The following HIF1A variants were observed in gnomAD, a reference collection of about 807,000 sequenced individuals.
HIF1A encodes the protein hypoxia-inducible factor 1-alpha.
A neutral mutation model predicts 92.7 loss-of-function variants in HIF1A; 24 were observed. The observed-to-expected ratio is 0.26, with a 90% CI of 0.19 to 0.36. HIF1A has a LOEUF of 0.36. Ranked by LOEUF, HIF1A falls within the 10% of genes least tolerant of loss-of-function variation. The pLI, the probability that HIF1A is intolerant of heterozygous loss-of-function variation, is 1.00. For missense variants in HIF1A, 799 were observed against 998.5 expected, an observed-to-expected ratio of 0.80 and a Z score of 2.69; for synonymous variants, 319 against 338.7, an observed-to-expected ratio of 0.94 and a Z score of 0.64.
At position 61,736,868 on chromosome 14, in the gene HIF1A, C is replaced by T. The variant is rs775037133; in HGVS notation, c.1029-21C>T. On this transcript the variant is annotated intron_variant, in intron 8 of 14. Coordinates refer to ENST00000337138, the MANE Select transcript of HIF1A (RefSeq NM_001530.4). ...TATCAAGTGCTCATTTGTGAATTAC[C>T]AATTTCTCTTGTTTTGACAGTGGTA... is the stretch of plus-strand genomic sequence containing the variant. The T allele has an allele frequency of 1.9e-6, 3 of 1,548,028 alleles. No individual in the cohort carries two copies. In the Admixed American group the frequency reaches 5.0e-5, roughly 26 times the overall value.
intron 1 of HIF1A, among the ~76,000 whole-genome samples, chr14:61,705,596 T>G (rs1296272769): frequency 6.6e-6 from 1 of 152,174 alleles, no homozygotes; most frequent in African/African-American, 2.4e-5. Context: ...ATTTAAAAAT[T>G]ATATATTGAG....
At chr14:61,706,409 C>T (rs1410253416) in intron 1 of HIF1A, among the ~76,000 whole-genome samples, 1 of 152,178 alleles carries the variant, frequency 6.6e-6, no homozygotes, top group Non-Finnish European at 1.5e-5. Context: ...TTTTACTAAA[C>T]GCACACTTGT....
intron 6 of HIF1A, among the ~76,000 whole-genome samples, chr14:61,728,046 G>T (rs1244844790): frequency 1.3e-5 from 2 of 151,450 alleles, no homozygotes; most frequent in East Asian, 1.9e-4. Context: ...ATTACTCAAT[G>T]TTAAACTATA....
chr14:61,705,079 CT>C (rs1016723389), intron 1 of HIF1A, among the ~76,000 whole-genome samples: 1 of 152,058 alleles, frequency 6.6e-6, no homozygotes, highest in Non-Finnish European at 1.5e-5. Context: ...TACTTATTTT[CT>C]TTTTTATTCC....
Position 61,695,672 on chromosome 14 carries a change from G to A in HIF1A, c.-133G>A. The A allele has an allele frequency of 2.2e-6, 2 of 926,352 alleles. No individual in the cohort carries two copies. The highest frequency in any genetic ancestry group is 3.2e-6 in the Non-Finnish European group (2 of 618,032). 57.4% of individuals were successfully genotyped at this position (926,352 alleles called of 1,614,324 possible). The stretch of plus-strand genomic sequence containing the variant: ...CCCGCTTCTCTCTAGTCTCACGAGG[G>A]GTTTCCCGCCTCGCACCCCCACCTC... On this transcript the variant is annotated 5_prime_UTR_variant, in exon 1 of 15. Coordinates refer to ENST00000337138, the MANE Select transcript of HIF1A (RefSeq NM_001530.4).
chr14:61,709,666 A>T (rs1467701420), intron 1 of HIF1A, among the ~76,000 whole-genome samples: 6 of 152,188 alleles, frequency 3.9e-5, no homozygotes, highest in Admixed American at 3.3e-4. Context: ...AAATAAGTGT[A>T]TGCATTCTGA....
intron 14 of HIF1A, among the ~76,000 whole-genome samples, chr14:61,746,428 G>A (rs1321001834): frequency 1.6e-5 from 2 of 121,720 alleles, no homozygotes; most frequent in African/African-American, 7.3e-5. Flanking sequence ...ACAGGGTCTC[G>A]CTCTGTTGCC....
chr14:61,745,518 G>A lies in HIF1A; in HGVS notation c.2203-173G>A, dbSNP rs945806069. 4.0e-5 allele frequency: 26 copies of A among 642,106 alleles called. No homozygotes were observed. In the African/African-American group the frequency reaches 4.4e-4, roughly 11 times the overall value. The allele number at this position is 642,106 out of a possible 1,614,324, so 39.8% of individuals were successfully genotyped here. ...CTAAATTAACTGGAAAGTATTTATAGACAGAATGGTCATAATGGATGACAA... is the reference window on the plus strand; with the variant it reads ...CTAAATTAACTGGAAAGTATTTATAAACAGAATGGTCATAATGGATGACAA... On this transcript the variant is annotated intron_variant, in intron 13 of 14. Transcript: ENST00000337138.
At chr14:61,731,879 G>A (rs1175731722) in intron 6 of HIF1A, among the ~76,000 whole-genome samples, 2 of 152,234 alleles carry the variant, frequency 1.3e-5, no homozygotes, top group Admixed American at 1.3e-4. Flanking sequence ...GCTCATGCCT[G>A]TAATCCCAGT....
chr14:61,732,240 T>G (rs535272175), intron 6 of HIF1A, among the ~76,000 whole-genome samples, 178 bp from the exon 7 acceptor site: 18 of 152,338 alleles, frequency 1.2e-4, no homozygotes, highest in African/African-American at 4.1e-4. Flanking sequence ...GTGTTGGATT[T>G]AATAACTGTA....
Position 61,720,498 on chromosome 14 carries a change from G to C in HIF1A, c.152G>C (p.Ser51Thr). 2 of 1,613,532 alleles carry C rather than the reference G, an allele frequency of 1.2e-6. No homozygotes were observed. Among genetic ancestry groups the C allele is most frequent in the Admixed American group, 1.7e-5 (1 of 59,944 alleles). The change falls in exon 2 of 15, where the codon AGT becomes ACT. Residue 51 changes from serine to threonine, a missense_variant. By Grantham distance (58) the Ser-to-Thr change is moderately conservative. Transcript: ENST00000337138. The stretch of plus-strand genomic sequence containing the variant: ...CAGTTGCCACTTCCACATAATGTGA[G>C]TTCGCATCTTGATAAGGCCTCTGTG... ...AHQLPLPHNV[S>T]SHLDKASVMR... is the part of the protein sequence containing the mutation.
At chr14:61,707,896 T>C (rs1387269884) in intron 1 of HIF1A, among the ~76,000 whole-genome samples, 1 of 152,076 alleles carries the variant, frequency 6.6e-6, no homozygotes, top group Non-Finnish European at 1.5e-5. Flanking sequence ...ACTTCCACAA[T>C]GGTTGAACTA....
chr14:61,710,629 G>T (rs1404759164), intron 1 of HIF1A, among the ~76,000 whole-genome samples: 1 of 152,028 alleles, frequency 6.6e-6, no homozygotes, highest in Non-Finnish European at 1.5e-5. Flanking sequence ...TAGAGATAGG[G>T]TTTTTAAAAA....
chr14:61,740,644 G>A lies in HIF1A; in HGVS notation c.1659+17G>A, dbSNP rs777245518. 2.5e-6 allele frequency: 4 copies of A among 1,569,526 alleles called. No homozygotes were observed. The South Asian group carries it at 4.7e-5, about 19-fold the overall frequency. ...TCTACTCAGGTATATGAACTTATTT[G>A]TTTTATATTAAATTTCATTAATTTT... is the stretch of plus-strand genomic sequence containing the variant. On this transcript the variant is annotated intron_variant, in intron 11 of 14. Coordinates refer to ENST00000337138, the MANE Select transcript of HIF1A (RefSeq NM_001530.4).
rs1156699986 is a variant in HIF1A, at chr14:61,721,451, A to G, written c.227-58A>G. 1.0e-5 allele frequency: 14 copies of G among 1,402,752 alleles called. No individual in the cohort carries two copies. In the East Asian group the frequency reaches 2.5e-4, roughly 25 times the overall value. The allele number at this position is 1,402,752 out of a possible 1,614,324, so 86.9% of individuals were successfully genotyped here. A position where few individuals can be genotyped will look rare whatever the true frequency, so the allele number is the denominator to read the frequency against. ...AACTTTGTAAAAACATCTAAATATT[A>G]TATCATTTAAGTACAACTTTTTAAC... On this transcript the variant is annotated intron_variant, in intron 2 of 14. Transcript: ENST00000337138.
chr14:61,736,732 T>C (rs2044642363), intron 8 of HIF1A, among the ~76,000 whole-genome samples, 157 bp from the exon 9 acceptor site: 1 of 152,194 alleles, frequency 6.6e-6, no homozygotes, highest in Non-Finnish European at 1.5e-5. Flanking sequence ...AAACCCTAAA[T>C]GTGACACAGT....
intron 12 of HIF1A, among the ~76,000 whole-genome samples, chr14:61,741,820 T>G (rs2044715897): frequency 6.6e-6 from 1 of 152,212 alleles, no homozygotes; most frequent in Non-Finnish European, 1.5e-5. Context: ...TCAGACTAGT[T>G]AACTACCCTC....
chr14:61,739,123 T>C (rs550783397), intron 10 of HIF1A, among the ~76,000 whole-genome samples: 2 of 152,346 alleles, frequency 1.3e-5, no homozygotes, highest in South Asian at 4.1e-4. Flanking sequence ...AAGGACCTTA[T>C]AAATTCTTTG....
In HIF1A at chr14:61,741,195, A is replaced by G; in HGVS notation, c.2093+7A>G. ...CTGTCGCTTTGAGTCAAAGGTATTT[A>G]TATGTAACATTCAAGTTATAGTTCT... is the stretch of plus-strand genomic sequence containing the variant. On this transcript the variant is annotated splice_region_variant and intron_variant, in intron 12 of 14. Coordinates refer to ENST00000337138, the MANE Select transcript of HIF1A (RefSeq NM_001530.4). The G allele has an allele frequency of 1.3e-6, 2 of 1,542,518 alleles. No homozygotes were observed. Among genetic ancestry groups the G allele is most frequent in the Non-Finnish European group, 1.8e-6 (2 of 1,134,196 alleles).
Sources: allele counts gnomAD v4.1 joint callset (sites outside exome capture counted in the v4.1 genomes callset), GRCh38; gene constraint gnomAD v4.1.1; transcripts MANE v1.5; gene names NCBI Gene and HGNC (gene_info 2026-07-23, HGNC 2026-07-21).